Variants in SNTG1 observed in about 807,000 individuals in gnomAD.
The protein encoded by SNTG1 is syntrophin gamma 1.
A neutral mutation model predicts 74.7 loss-of-function variants in SNTG1; 39 were observed. The observed-to-expected ratio is 0.52, with a 90% CI of 0.40 to 0.68. The LOEUF is 0.68. Ranked by LOEUF, SNTG1 falls within the 30% of genes least tolerant of loss-of-function variation. SNTG1 has a pLI of 0.00. For missense variants in SNTG1, 685 were observed against 609.5 expected, an observed-to-expected ratio of 1.12 and a Z score of -1.30; for synonymous variants, 254 against 217.1, an observed-to-expected ratio of 1.17 and a Z score of -1.49.
rs373501252 is a variant in SNTG1, at chr8:50,557,828, C to T, written c.810+4649C>T. On this transcript the variant is annotated intron_variant, in intron 12 of 18. Coordinates refer to ENST00000642720, the MANE Select transcript of SNTG1 (RefSeq NM_018967.5). ...ACAACATGATTAGATTTAGACAGTT[C>T]TGTCTGATTTTTGTGCAATGTCTCC... Among the ~76,000 whole-genome samples, 26 of 152,314 alleles carry T rather than the reference C, an allele frequency of 1.7e-4. No individual in the cohort carries two copies. In the East Asian group the frequency reaches 3.1e-3, roughly 18 times the overall value.
chr8:50,704,372 G>T (rs1320072490), intron 15 of SNTG1, among the ~76,000 whole-genome samples: 1 of 152,198 alleles, frequency 6.6e-6, no homozygotes, highest in Non-Finnish European at 1.5e-5. Context: ...GATGAAGCCA[G>T]AAACCCTAAC....
At chr8:50,022,215 GACAATA>G (rs1232062920) in intron 1 of SNTG1, among the ~76,000 whole-genome samples, 1 of 152,138 alleles carries the variant, frequency 6.6e-6, no homozygotes, top group Non-Finnish European at 1.5e-5. Context: ...CTGTGATGGA[GACAATA>G]ACAATGTCTC....
chr8:50,223,036 C>T (rs2085149477), intron 2 of SNTG1, among the ~76,000 whole-genome samples: 1 of 151,906 alleles, frequency 6.6e-6, no homozygotes, highest in Admixed American at 6.6e-5. Flanking sequence ...ATTAGAAAGA[C>T]CCTGAAAACC....
At chr8:50,738,219 T>C (rs138360995) in intron 17 of SNTG1, among the ~76,000 whole-genome samples, 1 of 152,156 alleles carries the variant, frequency 6.6e-6, no homozygotes, top group Non-Finnish European at 1.5e-5. Flanking sequence ...AGCCTCAAGA[T>C]ACAAAATCAA....
rs559909974 is a variant in SNTG1 at position 50,237,590 on chromosome 8, T to A, written c.-28+64955T>A. Among the ~76,000 whole-genome samples the A allele has an allele frequency of 2.6e-5, 4 of 152,276 alleles. No homozygotes were observed. In the South Asian group the frequency reaches 8.3e-4, roughly 32 times the overall value. ...AATGCTCAATTATTTATCTCTACTT[T>A]CAATATAATGATTTTTTTCCTGAAC... On this transcript the variant is annotated intron_variant, in intron 2 of 18. Transcript: ENST00000642720.
chr8:50,456,078 T>G lies in SNTG1; in HGVS notation c.363+5349T>G, dbSNP rs531897034. On this transcript the variant is annotated intron_variant, in intron 8 of 18. Coordinates refer to ENST00000642720, the MANE Select transcript of SNTG1 (RefSeq NM_018967.5). ...CACTATGTCTGCTTTTGAAAAGAAA[T>G]AAAATATCCTTGCCTTATTTTCATA... Among the ~76,000 whole-genome samples the G allele has an allele frequency of 2.0e-4, 30 of 152,324 alleles. 1 individual carries two copies. Among genetic ancestry groups the G allele is most frequent in the Admixed American group, 1.8e-3 (28 of 15,296 alleles).
At chr8:50,149,687 A>C in intron 1 of SNTG1, among the ~76,000 whole-genome samples, 1 of 152,188 alleles carries the variant, frequency 6.6e-6, no homozygotes. Context: ...GGGTTGTCAA[A>C]GATCAGATGG....
intron 17 of SNTG1, among the ~76,000 whole-genome samples, chr8:50,749,799 C>T (rs1371904451): frequency 6.6e-6 from 1 of 151,980 alleles, no homozygotes; most frequent in Non-Finnish European, 1.5e-5. Flanking sequence ...AAAACAATTC[C>T]TTTCAAAATA....
chr8:50,668,852 T>C (rs1034285856), intron 15 of SNTG1, among the ~76,000 whole-genome samples: 2 of 152,082 alleles, frequency 1.3e-5, no homozygotes, highest in Non-Finnish European at 2.9e-5. Flanking sequence ...GGTGTATATG[T>C]ACCACATTTT....
At chr8:50,020,565 G>T (rs763785813) in intron 1 of SNTG1, among the ~76,000 whole-genome samples, 1 of 152,000 alleles carries the variant, frequency 6.6e-6, no homozygotes, top group African/African-American at 2.4e-5. Context: ...AATAATGATT[G>T]TCTAATTCAT....
intron 1 of SNTG1, among the ~76,000 whole-genome samples, chr8:49,943,018 T>A (rs899688691): frequency 6.6e-6 from 1 of 152,248 alleles, no homozygotes; most frequent in African/African-American, 2.4e-5. Flanking sequence ...CTCTCCACCA[T>A]TTGATGTTCA....
chr8:50,117,335 C>T (rs977339289), intron 1 of SNTG1, among the ~76,000 whole-genome samples: 1 of 151,996 alleles, frequency 6.6e-6, no homozygotes, highest in African/African-American at 2.4e-5. Context: ...AATAAACAGG[C>T]TATGCTTGTT....
chr8:50,341,892 C>G (rs754998396), intron 2 of SNTG1, among the ~76,000 whole-genome samples: 7 of 151,970 alleles, frequency 4.6e-5, no homozygotes, highest in Non-Finnish European at 8.8e-5. Context: ...TCATTTTGAA[C>G]TATGCCAGAA....
At chr8:50,029,359 ATCC>A (rs1476834977) in intron 1 of SNTG1, among the ~76,000 whole-genome samples, 1 of 151,970 alleles carries the variant, frequency 6.6e-6, no homozygotes, top group Non-Finnish European at 1.5e-5. Flanking sequence ...TTTCAATTCC[ATCC>A]TCTTTGTTAT....
At chr8:50,312,319 G>A (rs1204242185) in intron 2 of SNTG1, among the ~76,000 whole-genome samples, 1 of 152,094 alleles carries the variant, frequency 6.6e-6, no homozygotes, top group Non-Finnish European at 1.5e-5. Context: ...GGAGAGGGAT[G>A]CTTAGTGATT....
intron 1 of SNTG1, among the ~76,000 whole-genome samples, chr8:50,122,794 T>A (rs890466561): frequency 7.1e-6 from 1 of 141,698 alleles, no homozygotes; most frequent in African/African-American, 2.6e-5. Flanking sequence ...CCAGCTAAAA[T>A]ACCCTAACAG....
chr8:50,076,872 T>A (rs1563558473), intron 1 of SNTG1, among the ~76,000 whole-genome samples: 2 of 152,154 alleles, frequency 1.3e-5, no homozygotes, highest in Admixed American at 1.3e-4. Context: ...AGTGTGTTTT[T>A]AAAAAACATT....
chr8:49,973,410 GT>G (rs1206452150), intron 1 of SNTG1, among the ~76,000 whole-genome samples: 7 of 152,014 alleles, frequency 4.6e-5, no homozygotes, highest in Non-Finnish European at 2.9e-5. Flanking sequence ...TATACCTAAT[GT>G]TAAATGACGA....
rs554374428 is a variant in SNTG1, at chr8:49,979,787, G to C, written c.-103+67556G>C. Among the ~76,000 whole-genome samples, 15 of 152,342 alleles carry C rather than the reference G, an allele frequency of 9.8e-5. No individual in the cohort carries two copies. The South Asian group carries it at 3.1e-3, about 32-fold the overall frequency. On this transcript the variant is annotated intron_variant, in intron 1 of 18. Coordinates refer to ENST00000642720, the MANE Select transcript of SNTG1 (RefSeq NM_018967.5). ...ATGTTCTGAGAGACCCGCAGCCCAG[G>C]ATTGCTGAGTCGCTTGTGTGTCCGC...
Sources: gnomAD v4.1 joint callset for allele counts (sites outside exome capture counted in the v4.1 genomes callset) on GRCh38, gnomAD v4.1.1 for gene constraint, MANE v1.5 for transcripts, NCBI Gene and HGNC (gene_info 2026-07-23, HGNC 2026-07-21) for gene names.